The following MAST1 variants were observed in gnomAD, a reference collection of about 807,000 sequenced individuals.
MAST1 encodes microtubule associated serine/threonine kinase 1.
MAST1 carries 40 observed loss-of-function variants against 124.6 expected under a neutral mutation model. The ratio of observed to expected loss-of-function variants is 0.32; its 90% CI spans 0.25 to 0.42. The LOEUF (loss-of-function observed/expected upper bound fraction) is 0.42. MAST1 is among the 10% of genes least tolerant of loss of function. MAST1 has a pLI of 1.00. For missense variants in MAST1, 1,558 were observed against 2,181.9 expected (o/e 0.71, Z 5.70); for synonymous variants, 938 against 939.4 (o/e 1.00, Z 0.03).
Position 12,838,596 on chromosome 19 carries a change from G to C in MAST1, c.24G>C (p.Ala8=). ...TCATGTCTGACTCTCTCTGGACCGC[G>C]CTTTCTAATTTCTCGATGCCCTCCT... MSDSLWT[A]LSNFSMPSFP... is the part of the protein sequence containing the mutation. The change falls in exon 1 of 26, where the codon GCG becomes GCC. Residue 8 remains alanine (A), a synonymous_variant. Coordinates refer to ENST00000251472, the MANE Select transcript of MAST1 (RefSeq NM_014975.3). The surrounding 1 kb of genome is among the most constrained non-coding windows in gnomAD (Gnocchi z 4.3). The C allele has an allele frequency of 6.2e-7, 1 of 1,609,576 alleles. No homozygotes were observed.
At chr19:12,849,996 C>T (rs1198259822) in intron 7 of MAST1, among the ~76,000 whole-genome samples, 1 of 151,880 alleles carries the variant, frequency 6.6e-6, no homozygotes, top group African/African-American at 2.4e-5. Flanking sequence ...CAGGGTTTCA[C>T]CATGTTGGCC....
At chr19:12,845,931 T>C (rs1969889218) in intron 4 of MAST1, among the ~76,000 whole-genome samples, 1 of 152,034 alleles carries the variant, frequency 6.6e-6, no homozygotes, top group Admixed American at 6.5e-5. Flanking sequence ...AGTGCTGGGA[T>C]TACAGGCGTG....
intron 1 of MAST1, among the ~76,000 whole-genome samples, chr19:12,839,175 C>T (rs1325265358): frequency 6.6e-6 from 1 of 150,426 alleles, no homozygotes; most frequent in Admixed American, 6.6e-5. Context: ...CGAACACAGC[C>T]TTACACTGAA....
At chr19:12,857,655 G>A (rs1041155015) in intron 10 of MAST1, among the ~76,000 whole-genome samples, 17 of 152,068 alleles carry the variant, frequency 1.1e-4, no homozygotes, top group Non-Finnish European at 2.4e-4. Context: ...CGCATGATCC[G>A]CCCACCTTGG....
intron 24 of MAST1, among the ~76,000 whole-genome samples, chr19:12,873,015 C>A (rs1970257166): frequency 6.6e-6 from 1 of 151,242 alleles, no homozygotes; most frequent in African/African-American, 2.4e-5. Context: ...GAAGTTCTAT[C>A]TTGATAGGTG....
In MAST1 at chr19:12,852,391, C is replaced by T. The variant is rs527309724; in HGVS notation, c.1073C>T (p.Ser358Phe). The change falls in exon 10 of 26, where the codon TCT becomes TTT. Residue 358 changes from serine to phenylalanine, a missense_variant. Transcript: ENST00000251472. ...GSNTPEQDDL[S>F]EGRSSKAKKP... ...AACACCCCTGAGCAAGACGATCTCT[C>T]TGAGGTAAGGCTGGGTGGCTAAGCG... 1.3e-5 allele frequency: 21 copies of T among 1,613,472 alleles called. 1 individual carries two copies. The South Asian group carries it at 2.3e-4, about 18-fold the overall frequency.
At chr19:12,869,840 G>T (rs939477848) in intron 22 of MAST1, among the ~76,000 whole-genome samples, 11 of 151,342 alleles carry the variant, frequency 7.3e-5, no homozygotes, top group Admixed American at 2.0e-4. Flanking sequence ...ATCACTGGAG[G>T]TCAGGAGTTT....
chr19:12,870,881 A>T lies in MAST1; in HGVS notation c.3061A>T (p.Thr1021Ser). 1 of 1,614,018 alleles carries T rather than the reference A, an allele frequency of 6.2e-7. No individual in the cohort carries two copies. Among genetic ancestry groups the T allele is most frequent in the Non-Finnish European group, 8.5e-7 (1 of 1,179,998 alleles). ...AGGACTCTGTGCTGGGGACCTCATC[A>T]CCCACGTGAATGGGGAGCCTGTGCA... is the stretch of plus-strand genomic sequence containing the variant. Reference protein sequence around the residue: ...EAGLCAGDLITHVNGEPVHGM... With the variant: ...EAGLCAGDLISHVNGEPVHGM... Residue 1021 changes from threonine (T) to serine (S), a missense_variant, in exon 23 of 26, where the codon ACC (threonine) becomes TCC (serine). Thr to Ser is a moderately conservative substitution (Grantham distance 58). Coordinates refer to ENST00000251472, the MANE Select transcript of MAST1 (RefSeq NM_014975.3).
chr19:12,868,563 G>C, intron 20 of MAST1, 80 bp from the exon 21 acceptor site: 1 of 1,296,258 alleles, frequency 7.7e-7, no homozygotes, highest in Admixed American at 2.3e-5. Context: ...AAAGTGGAAA[G>C]AGCATTCCAG....
Position 12,858,366 on chromosome 19 carries a change from G to A in MAST1, c.1082G>A (p.Arg361His), listed in dbSNP as rs1970041374. 2 of 1,613,004 alleles carry A rather than the reference G, an allele frequency of 1.2e-6. No homozygotes were observed. Among genetic ancestry groups the A allele is most frequent in the Non-Finnish European group, 1.7e-6 (2 of 1,179,448 alleles). The change falls in exon 11 of 26, where the codon CGC (arginine) becomes CAC (histidine). Residue 361 changes from arginine to histidine, a missense_variant. Physicochemically the swap from Arg to His is conservative, Grantham distance 29. Coordinates refer to ENST00000251472, the MANE Select transcript of MAST1 (RefSeq NM_014975.3). ...TPEQDDLSEG[R>H]SSKAKKPPGE... is the part of the protein sequence containing the mutation. ...GTCTCCATCTTTTTCCTGAAGGGCC[G>A]CAGCAGCAAGGCCAAGAAACCGCCG...
chr19:12,860,493 C>T lies in MAST1; in HGVS notation c.1366+1754C>T, dbSNP rs140922900. Reference sequence around the variant, plus strand: ...CAGAGTCTTGCTCTGTCACCAGGCTCGAATGCAGTGGCGCTATCTCGGCTC... The same window carrying T: ...CAGAGTCTTGCTCTGTCACCAGGCTTGAATGCAGTGGCGCTATCTCGGCTC... On this transcript the variant is annotated intron_variant, in intron 12 of 25. Coordinates refer to ENST00000251472, the MANE Select transcript of MAST1 (RefSeq NM_014975.3). Among the ~76,000 whole-genome samples the T allele has an allele frequency of 1.5e-4, 20 of 136,794 alleles. No homozygotes were observed. In the East Asian group the frequency reaches 4.3e-3, roughly 29 times the overall value. The allele number at this position is 136,794 out of a possible 152,430, so 89.7% of individuals were successfully genotyped here.
chr19:12,862,771 G>A (rs994046429), intron 12 of MAST1, among the ~76,000 whole-genome samples: 4 of 151,136 alleles, frequency 2.6e-5, no homozygotes, highest in African/African-American at 9.7e-5. Flanking sequence ...GGGTTCAAGC[G>A]ATTCTCCTGC....
intron 24 of MAST1, among the ~76,000 whole-genome samples, chr19:12,872,524 G>C (rs532758342): frequency 6.6e-6 from 1 of 152,040 alleles, no homozygotes; most frequent in African/African-American, 2.4e-5. Flanking sequence ...GCAGCACTGA[G>C]TTAAGGGAAG....
At chr19:12,846,656 C>T (rs1222116705) in intron 4 of MAST1, among the ~76,000 whole-genome samples, 2 of 151,902 alleles carry the variant, frequency 1.3e-5, no homozygotes, top group African/African-American at 2.4e-5. Context: ...GCAGGTGGAT[C>T]ACCTGATGTC....
chr19:12,873,845 C>A lies in MAST1; in HGVS notation c.3688C>A (p.His1230Asn). Reference sequence around the variant, plus strand: ...GCCGGGCCACACGGTGGGCAGCTCGCACACTACTCAGAGCTTCCCGGCCAA... The same window carrying A: ...GCCGGGCCACACGGTGGGCAGCTCGAACACTACTCAGAGCTTCCCGGCCAA... ...PLPGHTVGSS[H>N]TTQSFPAKLH... is the part of the protein sequence containing the mutation. The change falls in exon 26 of 26, where the codon CAC becomes AAC. Residue 1230 changes from histidine to asparagine, a missense_variant. Coordinates refer to ENST00000251472, the MANE Select transcript of MAST1 (RefSeq NM_014975.3). 1 of 1,588,144 alleles carries A rather than the reference C, an allele frequency of 6.3e-7. No individual in the cohort carries two copies. Among genetic ancestry groups the A allele is most frequent in the Non-Finnish European group, 8.5e-7 (1 of 1,174,530 alleles).
chr19:12,865,240 A>C lies in MAST1; in HGVS notation c.1638+62A>C. ...TGACCCTGCAGGACCTCGGGAACCC[A>C]GGGCCTGGTGGGGGGCACAGCTCTC... On this transcript the variant is annotated intron_variant, in intron 14 of 25. Transcript: ENST00000251472. The surrounding 1 kb of genome is among the most constrained non-coding windows in gnomAD (Gnocchi z 7.1). 1.9e-6 allele frequency: 3 copies of C among 1,591,476 alleles called. No homozygotes were observed. The highest frequency in any genetic ancestry group is 2.6e-6 in the Non-Finnish European group (3 of 1,167,630).
intron 12 of MAST1, among the ~76,000 whole-genome samples, chr19:12,860,039 C>G (rs997608708): frequency 2.6e-5 from 4 of 151,832 alleles, no homozygotes; most frequent in South Asian, 2.1e-4. Flanking sequence ...CCATCCATCC[C>G]TCACATCCCG....
intron 18 of MAST1, 118 bp from the exon 19 acceptor site, chr19:12,867,356 C>A: frequency 2.6e-6 from 3 of 1,161,392 alleles, no homozygotes; most frequent in Non-Finnish European, 2.5e-6. Context: ...CACAATTGGG[C>A]GGAGCCAGGC....
chr19:12,870,686 G>T, intron 22 of MAST1, 138 bp from the exon 23 acceptor site: 1 of 938,720 alleles, frequency 1.1e-6, no homozygotes, highest in Admixed American at 2.7e-5. Context: ...AAAATGTGGG[G>T]GGAGGAATAA....
Sources: allele counts gnomAD v4.1 joint callset (sites outside exome capture counted in the v4.1 genomes callset), GRCh38; gene constraint gnomAD v4.1.1; non-coding constraint Gnocchi (gnomAD v3.1); transcripts MANE v1.5; gene names NCBI Gene and HGNC (gene_info 2026-07-23, HGNC 2026-07-21).